The following KRT17 variants were observed in gnomAD, a reference collection of about 807,000 sequenced individuals.
KRT17 encodes the protein keratin, type I cytoskeletal 17.
Under a neutral mutation model 45.6 loss-of-function variants are expected in KRT17, and 29 were observed. The observed-to-expected ratio is 0.64, with a 90% CI of 0.47 to 0.87. The LOEUF (loss-of-function observed/expected upper bound fraction) is 0.87, where lower values mean the gene tolerates loss of function less well. Among genes scored for constraint, KRT17 ranks in the 40% least tolerant of loss-of-function variants. The pLI is 0.00. For missense variants in KRT17, 536 were observed against 577.8 expected (o/e 0.93, Z 0.74); for synonymous variants, 219 against 234.6 (o/e 0.93, Z 0.61).
At chr17:41,622,893 A>ACCCTGAGAT (rs1908592276) in intron 2 of KRT17, 57 bp downstream of exon 2, 2 of 1,446,056 alleles carry the variant, frequency 1.4e-6, no homozygotes, top group African/African-American at 1.4e-5. Context: ...CAGGAGGGGT[A>ACCCTGAGAT]CCCTGAGATC....
At position 41,624,519 on chromosome 17, in the gene KRT17, G is replaced by C; in HGVS notation, c.-10C>G. 6.2e-7 allele frequency: 1 copy of C among 1,607,358 alleles called. No homozygotes were observed. The highest frequency in any genetic ancestry group is 1.1e-5 in the South Asian group (1 of 90,670). On this transcript the variant is annotated 5_prime_UTR_variant, in exon 1 of 8. Coordinates refer to ENST00000311208, the MANE Select transcript of KRT17 (RefSeq NM_000422.3). ...GGATGGAGGTGGTCATGGTGGCGGCGGCAGGAGGCAGGCACACAGGAGAAG... is the reference window on the plus strand; with the variant it reads ...GGATGGAGGTGGTCATGGTGGCGGCCGCAGGAGGCAGGCACACAGGAGAAG...
rs1215208419 is a variant in KRT17 at position 41,622,940 on chromosome 17, T to C, written c.515+10A>G. On this transcript the variant is annotated intron_variant, in intron 2 of 7. Transcript: ENST00000311208. ...GGCCCAGGCTGCCCAAGGCCACAGC[T>C]AGGACTCACTTGGTGCGGAAGTCAT... 1.2e-6 allele frequency: 2 copies of C among 1,610,304 alleles called. No individual in the cohort carries two copies. Among genetic ancestry groups the C allele is most frequent in the East Asian group, 4.5e-5 (2 of 44,876 alleles).
At position 41,624,245 on chromosome 17, in the gene KRT17, G is replaced by A; in HGVS notation, c.265C>T (p.Gln89Ter). The A allele has an allele frequency of 6.2e-7, 1 of 1,612,678 alleles. No individual in the cohort carries two copies. Among genetic ancestry groups the A allele is most frequent in the Non-Finnish European group, 8.5e-7 (1 of 1,180,016 alleles). Reference sequence around the variant, plus strand: ...GAGGCCAGGCGGTCATTGAGGTTCTGCATGGTGGCCTTCTCACCTCCAGCC... The same window carrying A: ...GAGGCCAGGCGGTCATTGAGGTTCTACATGGTGGCCTTCTCACCTCCAGCC... ...LLAGGEKATM[Q>*]NLNDRLASYL... Residue 89 changes from glutamine to a stop codon, truncating the protein, a stop_gained, in exon 1 of 8, where the codon CAG becomes TAG. Coordinates refer to ENST00000311208, the MANE Select transcript of KRT17 (RefSeq NM_000422.3). LOFTEE classifies it high-confidence loss of function.
chr17:41,620,841 G>T lies in KRT17; in HGVS notation c.999C>A (p.Asn333Lys). The T allele has an allele frequency of 6.2e-7, 1 of 1,613,806 alleles. No individual in the cohort carries two copies. Among genetic ancestry groups the T allele is most frequent in the Non-Finnish European group, 8.5e-7 (1 of 1,179,870 alleles). ...TCTGGGACAGCTGCACGCAGTAGCG[G>T]TTCTCTGTCTCCGCCAGGTTGCCCT... The part of the protein sequence containing the change: ...SLEGNLAETE[N>K]RYCVQLSQIQ... The change falls in exon 6 of 8, where the codon AAC (asparagine) becomes AAA (lysine). Residue 333 changes from asparagine to lysine, a missense_variant. By Grantham distance (94) the Asn-to-Lys change is moderately conservative. Coordinates refer to ENST00000311208, the MANE Select transcript of KRT17 (RefSeq NM_000422.3).
chr17:41,621,586 C>A lies in KRT17; in HGVS notation c.834+7G>T, dbSNP rs1000578801. Reference sequence around the variant, plus strand: ...AAGAGAGCCCTCTGGCCTGCAGCACCCCCCACCTTGCTGAAGAACCAATCC... The same window carrying A: ...AAGAGAGCCCTCTGGCCTGCAGCACACCCCACCTTGCTGAAGAACCAATCC... On this transcript the variant is annotated splice_region_variant and intron_variant, in intron 4 of 7. Coordinates refer to ENST00000311208, the MANE Select transcript of KRT17 (RefSeq NM_000422.3). 1.2e-6 allele frequency: 2 copies of A among 1,612,022 alleles called. No individual in the cohort carries two copies. Among genetic ancestry groups the A allele is most frequent in the South Asian group, 1.1e-5 (1 of 90,988 alleles).
In KRT17 at chr17:41,622,094, G is replaced by A. The variant is rs1908561774; in HGVS notation, c.672+261C>T. 4 of 602,056 alleles carry A rather than the reference G, an allele frequency of 6.6e-6. No individual in the cohort carries two copies. In the East Asian group the frequency reaches 8.7e-5, roughly 13 times the overall value. 37.3% of individuals were successfully genotyped at this position (602,056 alleles called of 1,614,324 possible). On this transcript the variant is annotated intron_variant, in intron 3 of 7. Coordinates refer to ENST00000311208, the MANE Select transcript of KRT17 (RefSeq NM_000422.3). ...TTCCTTACTTATCCCCCACCCTCAT[G>A]AGGGAGGCAGGGTAGGTAGAGGGAG... is the stretch of plus-strand genomic sequence containing the variant.
In KRT17 at chr17:41,624,234, A is replaced by G. The variant is rs371268852; in HGVS notation, c.276T>C (p.Asn92=). The change falls in exon 1 of 8, where the codon AAT becomes AAC. Residue 92 remains asparagine, a synonymous_variant. Coordinates refer to ENST00000311208, the MANE Select transcript of KRT17 (RefSeq NM_000422.3). ...TGTCCAGGTAGGAGGCCAGGCGGTCATTGAGGTTCTGCATGGTGGCCTTCT... is the reference window on the plus strand; with the variant it reads ...TGTCCAGGTAGGAGGCCAGGCGGTCGTTGAGGTTCTGCATGGTGGCCTTCT... The part of the protein sequence containing the change: ...GGEKATMQNL[N]DRLASYLDKV... 1.2e-6 allele frequency: 2 copies of G among 1,612,556 alleles called. No homozygotes were observed. The highest frequency in any genetic ancestry group is 1.3e-5 in the African/African-American group (1 of 74,838).
intron 6 of KRT17, 41 bp downstream of exon 6, chr17:41,620,618 C>T (rs751825387): frequency 5.6e-6 from 9 of 1,611,614 alleles, no homozygotes; most frequent in Admixed American, 3.3e-5. Context: ...CCCACCCCTG[C>T]CAAGAGACCC....
Position 41,621,768 on chromosome 17 carries a change from G to T in KRT17, c.673-14C>A, listed in dbSNP as rs757242895. The T allele has an allele frequency of 6.2e-7, 1 of 1,611,834 alleles. No homozygotes were observed. Among genetic ancestry groups the T allele is most frequent in the Non-Finnish European group, 8.5e-7 (1 of 1,179,832 alleles). ...GGCGTTCATCTCCTATGGAAAAAGG[G>T]GATGTGGATGTGCGCATCTGGACCC... On this transcript the variant is annotated splice_polypyrimidine_tract_variant and intron_variant, in intron 3 of 7. Coordinates refer to ENST00000311208, the MANE Select transcript of KRT17 (RefSeq NM_000422.3).
chr17:41,620,228 G>A, intron 7 of KRT17: 5 of 985,334 alleles, frequency 5.1e-6, no homozygotes, highest in Non-Finnish European at 6.0e-6. Context: ...CAAGAGCAAA[G>A]ATCATGAGAC....
rs1169995800 is a variant in KRT17, at chr17:41,620,939, CT to C, written c.960+26del. ...GATGGTCAATGCCCTCTTCTGGGCC[CT>C]CCCCCATGCACAGGACTGTTCCTAC... On this transcript the variant is annotated intron_variant, in intron 5 of 7. Transcript: ENST00000311208. The C allele has an allele frequency of 3.7e-6, 6 of 1,613,996 alleles. No homozygotes were observed. In the Admixed American group the frequency reaches 1.0e-4, roughly 27 times the overall value.
chr17:41,624,522 A>G lies in KRT17; in HGVS notation c.-13T>C, dbSNP rs372583293. The stretch of plus-strand genomic sequence containing the variant: ...TGGAGGTGGTCATGGTGGCGGCGGC[A>G]GGAGGCAGGCACACAGGAGAAGGGC... On this transcript the variant is annotated 5_prime_UTR_variant, in exon 1 of 8. Transcript: ENST00000311208. 1.6e-4 allele frequency: 265 copies of G among 1,607,352 alleles called. No individual in the cohort carries two copies. Among genetic ancestry groups the G allele is most frequent in the Middle Eastern group, 1.1e-3 (5 of 4,428 alleles).
Position 41,622,476 on chromosome 17 carries a change from T to C in KRT17, c.551A>G (p.Glu184Gly), listed in dbSNP as rs1185955115. Residue 184 changes from glutamate to glycine, a missense_variant, in exon 3 of 8, where the codon GAG (glutamate) becomes GGG (glycine). By Grantham distance (98) the Glu-to-Gly change is moderately conservative. Transcript: ENST00000311208. Reference protein sequence around the residue: ...ETEQALRLSVEADINGLRRVL... With the variant: ...ETEQALRLSVGADINGLRRVL... ...CCTGCGCAGGCCATTGATGTCGGCC[T>C]CCACACTCAGGCGCAGGGCCTGCTC... 2 of 1,613,782 alleles carry C rather than the reference T, an allele frequency of 1.2e-6. No individual in the cohort carries two copies. Among genetic ancestry groups the C allele is most frequent in the Non-Finnish European group, 1.7e-6 (2 of 1,180,050 alleles).
Position 41,622,999 on chromosome 17 carries a change from G to C in KRT17, c.466C>G (p.Leu156Val). The stretch of plus-strand genomic sequence containing the variant: ...AGACGGGCATTGTCAATCTGTAGCA[G>C]GATGTTGGCATTGTCCACGGTGGCT... ...LTATVDNANI[L>V]LQIDNARLAA... The change falls in exon 2 of 8, where the codon CTG (leucine) becomes GTG (valine). Residue 156 changes from leucine to valine, a missense_variant. By Grantham distance (32) the Leu-to-Val change is conservative. Transcript: ENST00000311208. The C allele has an allele frequency of 1.2e-6, 2 of 1,613,428 alleles. No homozygotes were observed. Among genetic ancestry groups the C allele is most frequent in the Non-Finnish European group, 1.7e-6 (2 of 1,179,792 alleles).
At chr17:41,623,804 C>T (rs968435370) in intron 1 of KRT17, among the ~76,000 whole-genome samples, 2 of 152,218 alleles carry the variant, frequency 1.3e-5, no homozygotes, top group African/African-American at 2.4e-5. Context: ...CCTCATCCTA[C>T]AACCTCTCCA....
Position 41,620,807 on chromosome 17 carries a change from G to A in KRT17, c.1033C>T (p.Leu345=). ...AGCTGCTCCTCCACGCTGCCAATCA[G>A]CCCCTGGATCTGGGACAGCTGCACG... is the stretch of plus-strand genomic sequence containing the variant. ...YCVQLSQIQG[L]IGSVEEQLAQ... is the part of the protein sequence containing the mutation. Residue 345 remains leucine, a synonymous_variant, in exon 6 of 8, where the codon CTG becomes TTG. Coordinates refer to ENST00000311208, the MANE Select transcript of KRT17 (RefSeq NM_000422.3). The A allele has an allele frequency of 6.2e-7, 1 of 1,613,314 alleles. No homozygotes were observed. Among genetic ancestry groups the A allele is most frequent in the African/African-American group, 1.3e-5 (1 of 75,038 alleles).
chr17:41,623,820 C>T (rs924267480), intron 1 of KRT17, among the ~76,000 whole-genome samples: 4 of 152,166 alleles, frequency 2.6e-5, no homozygotes, highest in African/African-American at 7.2e-5. Flanking sequence ...CTCCAGGTGG[C>T]GGAGCTCCAC....
In KRT17 at chr17:41,621,678, C is replaced by G. The variant is rs766075355; in HGVS notation, c.749G>C (p.Ser250Thr). The G allele has an allele frequency of 1.1e-5, 18 of 1,612,176 alleles. 1 individual carries two copies. The South Asian group carries it at 1.8e-4, about 16-fold the overall frequency. ...GTCACGCATCTCGTTGAGGATGCGGCTCAGGTCCACGCCTGGGGCAGCGTC... is the reference window on the plus strand; with the variant it reads ...GTCACGCATCTCGTTGAGGATGCGGGTCAGGTCCACGCCTGGGGCAGCGTC... ...EMDAAPGVDL[S>T]RILNEMRDQY... Residue 250 changes from serine to threonine, a missense_variant, in exon 4 of 8, where the codon AGC becomes ACC. Coordinates refer to ENST00000311208, the MANE Select transcript of KRT17 (RefSeq NM_000422.3).
chr17:41,622,250 C>T (rs189910997), intron 3 of KRT17, 105 bp downstream of exon 3: 5 of 1,457,564 alleles, frequency 3.4e-6, no homozygotes, highest in Non-Finnish European at 4.8e-6. Context: ...TGACTAATCC[C>T]GGTGCACCTG....
Sources: gnomAD v4.1 joint callset for allele counts (sites outside exome capture counted in the v4.1 genomes callset) on GRCh38, gnomAD v4.1.1 for gene constraint, MANE v1.5 for transcripts, NCBI Gene and HGNC (gene_info 2026-07-23, HGNC 2026-07-21) for gene names.